The following ZDHHC11 variants were observed in gnomAD, a reference collection of about 807,000 sequenced individuals.
ZDHHC11 encodes the protein palmitoyltransferase ZDHHC11.
A neutral mutation model predicts 51.3 loss-of-function variants in ZDHHC11; 44 were observed. That is an observed-to-expected ratio of 0.86 (90% confidence interval 0.67 to 1.10). The LOEUF is 1.10. Ranked by LOEUF, ZDHHC11 falls within the 50% of genes least tolerant of loss-of-function variation. The probability of loss-of-function intolerance (pLI) is 0.00; values close to 1 mark genes in which losing one functional copy is unlikely to be tolerated. For missense variants in ZDHHC11, 400 were observed against 537.7 expected (o/e 0.74, Z 2.53); for synonymous variants, 163 against 222.0 (o/e 0.73, Z 2.36).
chr5:860,097 G>A (rs1162322732), upstream of ZDHHC11, among the ~76,000 whole-genome samples: 1 of 152,192 alleles, frequency 6.6e-6, no homozygotes, highest in Non-Finnish European at 1.5e-5. This position sits in a 1 kb window ranked among gnomAD's most constrained non-coding sequence, Gnocchi z 4.2. Context: ...TGGACATCTT[G>A]TCTGTCAGGG....
chr5:856,174 C>T (rs1748207523), intron 1 of ZDHHC11, among the ~76,000 whole-genome samples: 1 of 152,004 alleles, frequency 6.6e-6, no homozygotes. Context: ...ATATACCACA[C>T]AGACCACGTA....
At chr5:853,995 G>A (rs1302401285), upstream of ZDHHC11, among the ~76,000 whole-genome samples, 1 of 143,814 alleles carries the variant, frequency 7.0e-6, no homozygotes, top group Non-Finnish European at 1.5e-5. Flanking sequence ...TGAGCTGGGG[G>A]CACAGATCCC....
chr5:833,112 T>C (rs1311892177), intron 7 of ZDHHC11, among the ~76,000 whole-genome samples: 2 of 152,232 alleles, frequency 1.3e-5, no homozygotes, highest in Admixed American at 1.3e-4. Flanking sequence ...AAACTAAGCA[T>C]ACTGTTAGTA....
chr5:836,835 CG>C (rs1444368369), intron 6 of ZDHHC11, among the ~76,000 whole-genome samples: 2 of 149,856 alleles, frequency 1.3e-5, no homozygotes, highest in Non-Finnish European at 3.0e-5. Context: ...CCAAGGCGGG[CG>C]GATCACCTGA....
At chr5:849,552 T>G (rs1746821196) in intron 1 of ZDHHC11, 1 of 151,358 alleles carries the variant, frequency 6.6e-6, no homozygotes, top group African/African-American at 2.4e-5. Flanking sequence ...AGGGACCCTC[T>G]CCCCGAGAAT....
intron 11 of ZDHHC11, among the ~76,000 whole-genome samples, chr5:807,153 G>A (rs1282711219): frequency 6.6e-6 from 1 of 150,686 alleles, no homozygotes; most frequent in Non-Finnish European, 1.5e-5. Context: ...ACAGACTACA[G>A]CGACAAGCAG....
At chr5:854,132 C>A (rs1747760641), upstream of ZDHHC11, among the ~76,000 whole-genome samples, 1 of 149,084 alleles carries the variant, frequency 6.7e-6, no homozygotes, top group Non-Finnish European at 1.5e-5. Flanking sequence ...GGGGACAGAC[C>A]CCACAGAGGA....
chr5:844,821 C>T (rs1421052225), intron 3 of ZDHHC11, among the ~76,000 whole-genome samples: 1 of 152,308 alleles, frequency 6.6e-6, no homozygotes, highest in Non-Finnish European at 1.5e-5. Flanking sequence ...AATCCACTCC[C>T]AGTCTCTCGT....
In ZDHHC11 at chr5:850,655, C is replaced by T. The variant is rs113987061; in HGVS notation, c.-53G>A. 0.037 allele frequency: 58,977 copies of T among 1,593,974 alleles called. 8,606 individuals carry two copies. The African/African-American group carries it at 0.44, about 12-fold the overall frequency. On this transcript the variant is annotated 5_prime_UTR_variant, in exon 1 of 13. Transcript: ENST00000283441. Reference sequence around the variant, plus strand: ...CGCCGTCAGATCCTGGGAGGGCCGGCCCCGCCCACTGTCACAGAGACCAAG... The same window carrying T: ...CGCCGTCAGATCCTGGGAGGGCCGGTCCCGCCCACTGTCACAGAGACCAAG...
At position 848,882 on chromosome 5, in the gene ZDHHC11, C is replaced by T. The variant is rs528245728; in HGVS notation, c.223-222G>A. On this transcript the variant is annotated intron_variant, in intron 1 of 12. Coordinates refer to ENST00000283441, the MANE Select transcript of ZDHHC11 (RefSeq NM_024786.3). ...GTTCGCCTGGCCCTGCTCACCTGGG[C>T]GTGCTCACCTGGGCCTGCACACCCA... 3.4e-4 allele frequency among the ~76,000 whole-genome samples: 51 copies of T among 151,650 alleles called. No individual in the cohort carries two copies. In the East Asian group the frequency reaches 8.6e-3, roughly 25 times the overall value.
chr5:834,669 C>A (rs1743568640), intron 6 of ZDHHC11, among the ~76,000 whole-genome samples: 1 of 152,304 alleles, frequency 6.6e-6, no homozygotes, highest in South Asian at 2.1e-4. Flanking sequence ...TACTGCACTT[C>A]ACAGATACTG....
At chr5:843,911 G>A (rs1745586244) in intron 3 of ZDHHC11, among the ~76,000 whole-genome samples, 187 bp from the exon 4 acceptor site, 2 of 113,754 alleles carry the variant, frequency 1.8e-5, no homozygotes, top group African/African-American at 8.6e-5. Flanking sequence ...CAGGGGCAGG[G>A]ACACGCAGGG....
chr5:841,592 A>G lies in ZDHHC11; in HGVS notation c.629-942T>C, dbSNP rs367826208. On this transcript the variant is annotated intron_variant, in intron 4 of 12. Transcript: ENST00000283441. ...CCAGCTCTGCCAGGCCCCAGCACCC[A>G]TCCCTTGCTCATGGCCCACTCTGTG... 4.0e-6 allele frequency: 4 copies of G among 997,750 alleles called. No homozygotes were observed. The African/African-American group carries it at 7.0e-5, about 17-fold the overall frequency. The allele number at this position is 997,750 out of a possible 1,614,324, so 61.8% of individuals were successfully genotyped here. A position where few individuals can be genotyped will look rare whatever the true frequency, so the allele number is the denominator to read the frequency against.
chr5:820,342 C>G (rs1356163295), intron 9 of ZDHHC11, among the ~76,000 whole-genome samples: 1 of 151,634 alleles, frequency 6.6e-6, no homozygotes, highest in Non-Finnish European at 1.5e-5. Flanking sequence ...AGGGAATGAA[C>G]TTTTCCCAGT....
intron 3 of ZDHHC11, among the ~76,000 whole-genome samples, chr5:844,542 G>A (rs111673383): frequency 6.0e-4 from 89 of 147,142 alleles, no homozygotes; most frequent in African/African-American, 2.0e-3. Flanking sequence ...CGGTCCACTC[G>A]GGGGGCCCTG....
At chr5:822,947 C>T (rs1561254175) in intron 8 of ZDHHC11, among the ~76,000 whole-genome samples, 1 of 150,158 alleles carries the variant, frequency 6.7e-6, no homozygotes, top group Non-Finnish European at 1.5e-5. Flanking sequence ...GATATTGTTG[C>T]CTTGGTGAAG....
rs1021377655 is a variant in ZDHHC11, at chr5:818,925, T to C, written c.1146+600A>G. ...TGACCCCAGAGCAGGAACAGAAATA[T>C]GTGGCCCTAAAGCCGGTAGCCACAC... is the stretch of plus-strand genomic sequence containing the variant. On this transcript the variant is annotated intron_variant, in intron 10 of 12. Coordinates refer to ENST00000283441, the MANE Select transcript of ZDHHC11 (RefSeq NM_024786.3). Among the ~76,000 whole-genome samples, 7 of 151,480 alleles carry C rather than the reference T, an allele frequency of 4.6e-5. 2 individuals are homozygous for C. The highest frequency in any genetic ancestry group is 1.0e-4 in the Non-Finnish European group (7 of 67,714).
At chr5:856,295 AC>A (rs1748230949) in intron 1 of ZDHHC11, among the ~76,000 whole-genome samples, 1 of 146,530 alleles carries the variant, frequency 6.8e-6, no homozygotes, top group Non-Finnish European at 1.5e-5. Context: ...AACACAACAC[AC>A]ACACAAGACA....
chr5:807,455 T>C (rs1739435455), intron 11 of ZDHHC11, among the ~76,000 whole-genome samples: 2 of 151,486 alleles, frequency 1.3e-5, no homozygotes, highest in Non-Finnish European at 3.0e-5. Flanking sequence ...CTTTTGTTGT[T>C]GGTGCTTCCT....
Sources: allele counts gnomAD v4.1 joint callset (sites outside exome capture counted in the v4.1 genomes callset), GRCh38; gene constraint gnomAD v4.1.1; non-coding constraint Gnocchi (gnomAD v3.1); transcripts MANE v1.5; gene names NCBI Gene and HGNC (gene_info 2026-07-23, HGNC 2026-07-21).